Variants in CNTN5 observed in about 807,000 individuals in gnomAD.
CNTN5 encodes contactin 5, also known as contactin-5.
CNTN5 carries 77 observed loss-of-function variants against 129.1 expected under a neutral mutation model. The ratio of observed to expected loss-of-function variants is 0.60; its 90% CI spans 0.50 to 0.72. The LOEUF is 0.72. Among genes scored for constraint, CNTN5 ranks in the 30% least tolerant of loss-of-function variants. CNTN5 has a pLI of 0.00. For synonymous variants in CNTN5, 509 were observed against 465.6 expected (o/e 1.09, Z -1.20); for missense variants, 1,478 against 1,328.8 (o/e 1.11, Z -1.75).
At chr11:99,532,401 G>C (rs990688681) in intron 2 of CNTN5, among the ~76,000 whole-genome samples, 1 of 152,154 alleles carries the variant, frequency 6.6e-6, no homozygotes, top group Non-Finnish European at 1.5e-5. Flanking sequence ...TCTCAGATGA[G>C]ACTTTGTTTT....
chr11:99,835,372 T>A (rs1947270450), intron 4 of CNTN5, among the ~76,000 whole-genome samples: 1 of 152,064 alleles, frequency 6.6e-6, no homozygotes, highest in Non-Finnish European at 1.5e-5. Context: ...TGGGCCAGGG[T>A]TTGTGTGGTG....
intron 3 of CNTN5, among the ~76,000 whole-genome samples, chr11:99,586,103 C>T (rs1282025494): frequency 6.6e-6 from 1 of 151,996 alleles, no homozygotes; most frequent in Non-Finnish European, 1.5e-5. Context: ...TTCCAAATGG[C>T]CTCATGTCTA....
chr11:100,248,885 C>T (rs931221532), intron 16 of CNTN5, among the ~76,000 whole-genome samples: 4 of 152,152 alleles, frequency 2.6e-5, no homozygotes, highest in African/African-American at 9.7e-5. Context: ...GAAGTCAATA[C>T]ACAACTTTCT....
chr11:99,517,381 A>G (rs953182587), intron 2 of CNTN5, among the ~76,000 whole-genome samples: 6 of 152,086 alleles, frequency 3.9e-5, no homozygotes, highest in Non-Finnish European at 8.8e-5. Context: ...ATGCAAAACT[A>G]ATCACATGAC....
chr11:99,625,977 T>C (rs1951117808), intron 3 of CNTN5, among the ~76,000 whole-genome samples: 1 of 151,682 alleles, frequency 6.6e-6, no homozygotes, highest in Admixed American at 6.6e-5. Context: ...TAATATGTAT[T>C]CTCAAAACAC....
chr11:99,881,407 T>C (rs960012086), intron 6 of CNTN5, among the ~76,000 whole-genome samples: 1 of 152,166 alleles, frequency 6.6e-6, no homozygotes, highest in Non-Finnish European at 1.5e-5. Flanking sequence ...TTTATGTAAG[T>C]GATATTTATG....
intron 4 of CNTN5, among the ~76,000 whole-genome samples, chr11:99,820,556 C>T (rs902369486): frequency 7.2e-5 from 11 of 152,404 alleles, no homozygotes; most frequent in Admixed American, 3.3e-4. Flanking sequence ...TTGGATCCAT[C>T]GACAAAATAA....
intron 9 of CNTN5, among the ~76,000 whole-genome samples, chr11:100,018,880 C>A (rs1940974330): frequency 6.6e-6 from 1 of 151,844 alleles, no homozygotes; most frequent in African/African-American, 2.4e-5. Context: ...GTAGTGGTGT[C>A]ACATTTTATG....
chr11:100,164,663 G>T (rs1947567598), intron 13 of CNTN5, among the ~76,000 whole-genome samples: 1 of 151,660 alleles, frequency 6.6e-6, no homozygotes, highest in South Asian at 2.1e-4. Context: ...AAAAGACATG[G>T]AATAAAAATG....
At position 100,356,101 on chromosome 11, in the gene CNTN5, G is replaced by T; in HGVS notation, c.3200-16G>T. 1 of 1,576,084 alleles carries T rather than the reference G, an allele frequency of 6.3e-7. No homozygotes were observed. Reference sequence around the variant, plus strand: ...ACCAAGATAATTTGCTCCATTTGATGCTTCTTTTTTCACAGGTGGAAAAAT... The same window carrying T: ...ACCAAGATAATTTGCTCCATTTGATTCTTCTTTTTTCACAGGTGGAAAAAT... On this transcript the variant is annotated splice_polypyrimidine_tract_variant and intron_variant, in intron 24 of 24. Transcript: ENST00000524871.
chr11:99,105,644 G>A (rs529245718), intron 1 of CNTN5, among the ~76,000 whole-genome samples: 13 of 152,140 alleles, frequency 8.5e-5, no homozygotes, highest in African/African-American at 2.6e-4. Context: ...TTTTGCTGTC[G>A]TTTTCTGATA....
chr11:99,357,454 G>T (rs572908391), intron 2 of CNTN5, among the ~76,000 whole-genome samples: 1 of 151,452 alleles, frequency 6.6e-6, no homozygotes, highest in Non-Finnish European at 1.5e-5. Flanking sequence ...GAACTCCTTT[G>T]CAAGCTTGAA....
chr11:99,626,673 G>A (rs1951145159), intron 3 of CNTN5, among the ~76,000 whole-genome samples: 1 of 152,084 alleles, frequency 6.6e-6, no homozygotes, highest in Non-Finnish European at 1.5e-5. Context: ...AAAGATCTAT[G>A]TAATCTAAAA....
chr11:100,295,015 A>G (rs1263527587), intron 18 of CNTN5, among the ~76,000 whole-genome samples: 1 of 151,664 alleles, frequency 6.6e-6, no homozygotes, highest in Admixed American at 6.6e-5. Flanking sequence ...CGTGAGCTGC[A>G]GCTATTACAG....
chr11:99,867,720 C>G (rs904007915), intron 6 of CNTN5, among the ~76,000 whole-genome samples: 1 of 152,118 alleles, frequency 6.6e-6, no homozygotes, highest in African/African-American at 2.4e-5. Context: ...AGTAGAATCT[C>G]TCTATTATAA....
At chr11:99,727,783 T>G (rs1239739921) in intron 3 of CNTN5, among the ~76,000 whole-genome samples, 2 of 152,174 alleles carry the variant, frequency 1.3e-5, no homozygotes, top group African/African-American at 4.8e-5. Context: ...TAAAGTCATT[T>G]TAAAACTGTC....
At chr11:99,718,046 C>A (rs998866803) in intron 3 of CNTN5, among the ~76,000 whole-genome samples, 2 of 152,064 alleles carry the variant, frequency 1.3e-5, no homozygotes, top group African/African-American at 4.8e-5. Context: ...TTCTGAAATG[C>A]CAAACTTTGC....
intron 2 of CNTN5, among the ~76,000 whole-genome samples, chr11:99,335,264 G>A (rs1009146835): frequency 6.6e-6 from 1 of 151,980 alleles, no homozygotes; most frequent in Non-Finnish European, 1.5e-5. Flanking sequence ...CTGCAATCTT[G>A]TTCTAAAGTC....
At chr11:99,334,327 T>C (rs906763981) in intron 2 of CNTN5, among the ~76,000 whole-genome samples, 1 of 152,126 alleles carries the variant, frequency 6.6e-6, no homozygotes, top group African/African-American at 2.4e-5. Context: ...AAGGAAACTG[T>C]AAGCATATTA....
Sources: allele counts gnomAD v4.1 joint callset (sites outside exome capture counted in the v4.1 genomes callset), GRCh38; gene constraint gnomAD v4.1.1; transcripts MANE v1.5; gene names NCBI Gene and HGNC (gene_info 2026-07-23, HGNC 2026-07-21).